RIMKLB: variants seen among roughly 807,000 people sequenced by gnomAD.
The protein encoded by RIMKLB is beta-citrylglutamate synthase B.
Under a neutral mutation model 32.0 loss-of-function variants are expected in RIMKLB, and 7 were observed. The observed-to-expected ratio is 0.22, with a 90% CI of 0.12 to 0.41. The LOEUF (loss-of-function observed/expected upper bound fraction) is 0.41, where lower values mean the gene tolerates loss of function less well. Ranked by LOEUF, RIMKLB falls within the 10% of genes least tolerant of loss-of-function variation. The pLI is 1.00. For synonymous variants in RIMKLB, 172 were observed against 185.1 expected (o/e 0.93, Z 0.57); for missense variants, 289 against 498.7 (o/e 0.58, Z 4.00).
At chr12:8,673,186 A>C in the RIMKLB span, among the ~76,000 whole-genome samples, 1 of 151,706 alleles carries the variant, frequency 6.6e-6, no homozygotes, top group South Asian at 2.1e-4. Context: ...CTGGCCTCTG[A>C]CCGGGTATTT....
In RIMKLB at chr12:8,776,110, T is replaced by C. The variant is rs1950709426; in HGVS notation, c.*2326T>C. 1 of 985,032 alleles carries C rather than the reference T, an allele frequency of 1.0e-6. No individual in the cohort carries two copies. Among genetic ancestry groups the C allele is most frequent in the Non-Finnish European group, 1.2e-6 (1 of 829,670 alleles). The allele number at this position is 985,032 out of a possible 1,614,324, so 61.0% of individuals were successfully genotyped here. ...TTTGAATAGTTACATATCACAAGTA[T>C]GTAGTTCATGTTTGTGTTGGTGGGG... On this transcript the variant is annotated 3_prime_UTR_variant, in exon 6 of 6. Coordinates refer to ENST00000535829, the MANE Select transcript of RIMKLB (RefSeq NM_001297776.2).
intron 1 of RIMKLB, among the ~76,000 whole-genome samples, chr12:8,705,052 T>C (rs1369895904): frequency 6.6e-6 from 1 of 151,686 alleles, no homozygotes; most frequent in African/African-American, 2.4e-5. Context: ...TAGGTAAGTG[T>C]TTGGGGTATA....
At position 8,774,588 on chromosome 12, in the gene RIMKLB, TA is replaced by T. The variant is rs955630218; in HGVS notation, c.*806del. 2 of 963,850 alleles carry T rather than the reference TA, an allele frequency of 2.1e-6. No individual in the cohort carries two copies. The highest frequency in any genetic ancestry group is 2.5e-6 in the Non-Finnish European group (2 of 810,966). The allele number at this position is 963,850 out of a possible 1,614,324, so 59.7% of individuals were successfully genotyped here. On this transcript the variant is annotated 3_prime_UTR_variant, in exon 6 of 6. Transcript: ENST00000535829. ...TTAATGTTGCTTTTTTTTTTTTTTT[TA>T]ATACATGCTAGTCTAACATTTCCTG...
chr12:8,682,634 T>G (rs1386056476), intron 1 of RIMKLB, among the ~76,000 whole-genome samples: 1 of 151,012 alleles, frequency 6.6e-6, no homozygotes, highest in African/African-American at 2.4e-5. Flanking sequence ...TAGCCGGGCG[T>G]GGTGGCGGGC....
At chr12:8,710,073 A>G (rs1396539933) in intron 1 of RIMKLB, among the ~76,000 whole-genome samples, 3 of 151,596 alleles carry the variant, frequency 2.0e-5, no homozygotes, top group Non-Finnish European at 2.9e-5. Flanking sequence ...TGCAGTTTCG[A>G]CTTCCCAGAT....
At chr12:8,677,386 T>A (rs1162342677), upstream of RIMKLB, among the ~76,000 whole-genome samples, 1 of 152,110 alleles carries the variant, frequency 6.6e-6, no homozygotes, top group African/African-American at 2.4e-5. Context: ...ACACCCTTTA[T>A]CACACACACC....
chr12:8,706,640 A>G (rs1287939836), intron 1 of RIMKLB, among the ~76,000 whole-genome samples: 1 of 151,678 alleles, frequency 6.6e-6, no homozygotes, highest in Non-Finnish European at 1.5e-5. Context: ...TTTAATAGAG[A>G]CAGGGTTTCA....
chr12:8,720,748 C>A lies in RIMKLB; in HGVS notation c.175+6707C>A, dbSNP rs61470904. ...AGAGATGGGGTTTCACCTTGTTGGC[C>A]AGGCTGGTCTGGAACTCCTGACCTT... On this transcript the variant is annotated intron_variant, in intron 2 of 5. Transcript: ENST00000535829. 2.0e-5 allele frequency among the ~76,000 whole-genome samples: 3 copies of A among 152,086 alleles called. No individual in the cohort carries two copies. The East Asian group carries it at 5.8e-4, about 29-fold the overall frequency.
At chr12:8,684,912 C>T (rs1000714291) in intron 1 of RIMKLB, among the ~76,000 whole-genome samples, 7 of 152,170 alleles carry the variant, frequency 4.6e-5, no homozygotes, top group African/African-American at 9.7e-5. Context: ...CGTGAGCAAC[C>T]GCACCCAGCC....
chr12:8,700,546 G>T (rs1943296878), intron 1 of RIMKLB: 1 of 152,128 alleles, frequency 6.6e-6, no homozygotes, highest in Non-Finnish European at 1.5e-5. Context: ...AGTGAAAATG[G>T]GTGGAGGAAG....
intron 2 of RIMKLB, among the ~76,000 whole-genome samples, chr12:8,723,361 G>A (rs1283422038): frequency 3.3e-5 from 5 of 152,184 alleles, no homozygotes; most frequent in Non-Finnish European, 7.3e-5. Flanking sequence ...TGCCCTCTAT[G>A]TGGTTGCAGT....
downstream of RIMKLB, among the ~76,000 whole-genome samples, chr12:8,781,762 C>T: frequency 6.6e-6 from 1 of 152,104 alleles, no homozygotes; most frequent in East Asian, 1.9e-4. Flanking sequence ...TTTTCATTTG[C>T]ATTCTTCATT....
intron 2 of RIMKLB, among the ~76,000 whole-genome samples, chr12:8,730,087 G>A (rs1381772700): frequency 2.0e-5 from 3 of 152,078 alleles, no homozygotes; most frequent in Admixed American, 1.3e-4. Flanking sequence ...GGCTGCTTTT[G>A]TTCTTTGTGT....
intron 2 of RIMKLB, among the ~76,000 whole-genome samples, chr12:8,732,766 C>T (rs978479251): frequency 3.3e-4 from 50 of 150,592 alleles, no homozygotes; most frequent in Non-Finnish European, 4.9e-4. Flanking sequence ...TACACACACA[C>T]ACACACACAC....
At chr12:8,780,911 T>C (rs58704538), downstream of RIMKLB, among the ~76,000 whole-genome samples, 4,280 of 152,352 alleles carry the variant, frequency 0.028, 195 homozygotes, top group African/African-American at 0.097. Context: ...ACTAATAGTA[T>C]GTAAAATTAG....
rs149344847 is a variant in RIMKLB, at chr12:8,764,545, C to T, written c.698-8776C>T. Among the ~76,000 whole-genome samples the T allele has an allele frequency of 4.1e-3, 623 of 152,198 alleles. 5 individuals carry two copies. Among genetic ancestry groups the T allele is most frequent in the African/African-American group, 0.014 (597 of 41,500 alleles). On this transcript the variant is annotated intron_variant, in intron 5 of 5. Coordinates refer to ENST00000535829, the MANE Select transcript of RIMKLB (RefSeq NM_001297776.2). Reference sequence around the variant, plus strand: ...GTGACAGATTTGGAGGACCGTTGTCCGGGACAGGAGAGTAAGACTGAGAAG... The same window carrying T: ...GTGACAGATTTGGAGGACCGTTGTCTGGGACAGGAGAGTAAGACTGAGAAG...
intron 2 of RIMKLB, among the ~76,000 whole-genome samples, chr12:8,726,374 G>GT (rs1372522247): frequency 1.3e-5 from 2 of 152,220 alleles, no homozygotes; most frequent in East Asian, 1.9e-4. Flanking sequence ...TCTTCTGCCC[G>GT]TTTTTTTAGC....
chr12:8,776,703 T>C lies in RIMKLB; in HGVS notation c.*2919T>C, dbSNP rs1950747070. The C allele has an allele frequency of 1.0e-6, 1 of 985,192 alleles. No individual in the cohort carries two copies. The highest frequency in any genetic ancestry group is 1.7e-5 in the African/African-American group (1 of 57,242). The allele number at this position is 985,192 out of a possible 1,614,324, so 61.0% of individuals were successfully genotyped here. Reference sequence around the variant, plus strand: ...TTCTTTTTTGGTGCCTATAATTGATTGGTCATTTCTGCTGGCTTTTCTCCA... The same window carrying C: ...TTCTTTTTTGGTGCCTATAATTGATCGGTCATTTCTGCTGGCTTTTCTCCA... On this transcript the variant is annotated 3_prime_UTR_variant, in exon 6 of 6. Coordinates refer to ENST00000535829, the MANE Select transcript of RIMKLB (RefSeq NM_001297776.2).
chr12:8,679,341 A>G (rs978769020), upstream of RIMKLB, among the ~76,000 whole-genome samples: 2 of 151,592 alleles, frequency 1.3e-5, no homozygotes, highest in East Asian at 3.9e-4. Flanking sequence ...CGCCACCACC[A>G]CCACGTGCCT....
Sources: allele counts gnomAD v4.1 joint callset (sites outside exome capture counted in the v4.1 genomes callset), GRCh38; gene constraint gnomAD v4.1.1; transcripts MANE v1.5; gene names NCBI Gene and HGNC (gene_info 2026-07-23, HGNC 2026-07-21).